Variants in RSU1 observed in about 807,000 individuals in gnomAD.
RSU1 encodes the protein rsu-1.
A neutral mutation model predicts 31.1 loss-of-function variants in RSU1; 26 were observed. The observed-to-expected ratio is 0.84, with a 90% CI of 0.61 to 1.16. The LOEUF (loss-of-function observed/expected upper bound fraction) is 1.16. RSU1 is among the 50% of genes most tolerant of loss of function. The probability of loss-of-function intolerance (pLI) is 0.00; values close to 1 mark genes in which losing one functional copy is unlikely to be tolerated. For synonymous variants in RSU1, 164 were observed against 136.3 expected (o/e 1.20, Z -1.41); for missense variants, 320 against 339.1 (o/e 0.94, Z 0.44).
At chr10:16,816,510 T>C (rs1838534939) in intron 2 of RSU1, among the ~76,000 whole-genome samples, 1 of 152,100 alleles carries the variant, frequency 6.6e-6, no homozygotes, top group African/African-American at 2.4e-5. Context: ...CTGAACCAAG[T>C]TCGGAGAATA....
At chr10:16,729,433 G>C (rs917621892) in intron 7 of RSU1, among the ~76,000 whole-genome samples, 3 of 152,128 alleles carry the variant, frequency 2.0e-5, no homozygotes, top group African/African-American at 7.2e-5. Context: ...TAACAGATAA[G>C]CCCAAGTACC....
intron 8 of RSU1, among the ~76,000 whole-genome samples, chr10:16,642,470 T>C (rs1406061112): frequency 6.6e-6 from 1 of 152,206 alleles, no homozygotes; most frequent in East Asian, 1.9e-4. Flanking sequence ...TCAGTGATTT[T>C]TCATAGACTG....
chr10:16,659,286 C>T (rs1834843598), intron 8 of RSU1, among the ~76,000 whole-genome samples: 1 of 144,844 alleles, frequency 6.9e-6, no homozygotes, highest in Non-Finnish European at 1.5e-5. Context: ...CCCTTCTCTA[C>T]TCTGAGGTTA....
chr10:16,660,345 C>T lies in RSU1; in HGVS notation c.731+34678G>A, dbSNP rs188506267. 5.3e-5 allele frequency among the ~76,000 whole-genome samples: 8 copies of T among 152,158 alleles called. No homozygotes were observed. The East Asian group carries it at 5.8e-4, about 11-fold the overall frequency. On this transcript the variant is annotated intron_variant, in intron 8 of 8. Coordinates refer to ENST00000345264, the MANE Select transcript of RSU1 (RefSeq NM_012425.4). ...CATAAAGTTCACGCTACCTGTTGTG[C>T]GGTGAGAAATAAAGTCCTTTGTGTT...
At chr10:16,660,641 C>CTTTT (rs1299419815) in intron 8 of RSU1, among the ~76,000 whole-genome samples, 1 of 55,402 alleles carries the variant, frequency 1.8e-5, no homozygotes, top group African/African-American at 1.0e-4. Context: ...TATTCTTGAA[C>CTTTT]TCTCTTTTTT....
intron 3 of RSU1, among the ~76,000 whole-genome samples, chr10:16,767,035 A>C (rs2131633918): frequency 6.6e-6 from 1 of 151,658 alleles, no homozygotes; most frequent in South Asian, 2.1e-4. Flanking sequence ...AAAAAAAAAA[A>C]AAGAAAAGAA....
intron 7 of RSU1, among the ~76,000 whole-genome samples, chr10:16,752,218 G>C (rs1344495393): frequency 1.3e-5 from 2 of 152,230 alleles, no homozygotes; most frequent in East Asian, 3.8e-4. Context: ...TACCCAGCTA[G>C]TCAATGAGGA....
intron 8 of RSU1, among the ~76,000 whole-genome samples, chr10:16,648,135 T>TTTTATTTTATTTTTTA (rs1834608046): frequency 6.7e-6 from 1 of 150,184 alleles, no homozygotes; most frequent in African/African-American, 2.5e-5. Context: ...AAAAAAAATT[T>TTTTATTTTATTTTTTA]TTTTTTTTTT....
chr10:16,774,118 A>G (rs1837480487), intron 3 of RSU1, among the ~76,000 whole-genome samples: 1 of 151,906 alleles, frequency 6.6e-6, no homozygotes, highest in African/African-American at 2.4e-5. Flanking sequence ...AAAAAACTGC[A>G]TATGCCCATA....
In RSU1 at chr10:16,801,495, A is replaced by G. The variant is rs192633633; in HGVS notation, c.109+15478T>C. 5.0e-4 allele frequency among the ~76,000 whole-genome samples: 76 copies of G among 152,270 alleles called. No individual in the cohort carries two copies. In the East Asian group the frequency reaches 0.013, roughly 26 times the overall value. ...TAATTGACAGATCCAGCAGGCAGAA[A>G]ATCAGTAAGGACAGAGTTAAAAACA... is the stretch of plus-strand genomic sequence containing the variant. On this transcript the variant is annotated intron_variant, in intron 2 of 8. Transcript: ENST00000345264.
intron 8 of RSU1, among the ~76,000 whole-genome samples, chr10:16,660,915 TG>T (rs1267988032): frequency 2.0e-5 from 3 of 152,182 alleles, no homozygotes; most frequent in Non-Finnish European, 4.4e-5. Context: ...CCCAAAGTGC[TG>T]GGATTACAGG....
At chr10:16,806,126 G>A (rs1008610977) in intron 2 of RSU1, among the ~76,000 whole-genome samples, 6 of 152,190 alleles carry the variant, frequency 3.9e-5, no homozygotes, top group African/African-American at 1.4e-4. Flanking sequence ...TTAAAACTAT[G>A]TGTAAGTATT....
intron 8 of RSU1, among the ~76,000 whole-genome samples, chr10:16,628,802 T>A (rs1402875397): frequency 6.6e-6 from 1 of 152,220 alleles, no homozygotes; most frequent in East Asian, 1.9e-4. Flanking sequence ...CTCCTTTTTT[T>A]AAATTAATTC....
At chr10:16,604,867 C>T (rs113977886) in intron 8 of RSU1, among the ~76,000 whole-genome samples, 198 of 152,244 alleles carry the variant, frequency 1.3e-3, no homozygotes, top group African/African-American at 4.4e-3. Context: ...GAAAAACAGG[C>T]CTCACATGGG....
intron 8 of RSU1, among the ~76,000 whole-genome samples, chr10:16,624,039 C>T (rs1834115632): frequency 6.6e-6 from 1 of 152,024 alleles, no homozygotes; most frequent in South Asian, 2.1e-4. Context: ...ATTCAGTCTT[C>T]TGTTTGTAAA....
chr10:16,747,645 A>T (rs7910067), intron 7 of RSU1, among the ~76,000 whole-genome samples: 27,635 of 152,086 alleles, frequency 0.18, 3,484 homozygotes, highest in African/African-American at 0.36. Flanking sequence ...CCAGGATTGC[A>T]ATGATAGTCT....
intron 2 of RSU1, among the ~76,000 whole-genome samples, chr10:16,806,096 GT>G (rs1228300744): frequency 3.3e-5 from 5 of 152,168 alleles, no homozygotes; most frequent in African/African-American, 1.2e-4. Flanking sequence ...CTTCAATAAG[GT>G]TTTTTGGAAT....
intron 2 of RSU1, among the ~76,000 whole-genome samples, chr10:16,805,069 C>T (rs1249361764): frequency 2.6e-5 from 4 of 152,046 alleles, no homozygotes; most frequent in Admixed American, 2.0e-4. Flanking sequence ...GGTGTGATGG[C>T]GCCTGCCTGT....
At chr10:16,779,863 G>A (rs1484159749) in intron 3 of RSU1, among the ~76,000 whole-genome samples, 1 of 152,128 alleles carries the variant, frequency 6.6e-6, no homozygotes, top group Non-Finnish European at 1.5e-5. Context: ...AATAGTAAAG[G>A]ATGCTAATTT....
Sources: allele counts gnomAD v4.1 joint callset (sites outside exome capture counted in the v4.1 genomes callset), GRCh38; gene constraint gnomAD v4.1.1; transcripts MANE v1.5; gene names NCBI Gene and HGNC (gene_info 2026-07-23, HGNC 2026-07-21).